Variants in SNTG2 observed in about 807,000 individuals in gnomAD.
The protein encoded by SNTG2 is syntrophin gamma 2.
SNTG2 carries 74 observed loss-of-function variants against 70.9 expected under a neutral mutation model. The ratio of observed to expected loss-of-function variants is 1.04; its 90% CI spans 0.86 to 1.27. The LOEUF (loss-of-function observed/expected upper bound fraction) is 1.27. Ranked by LOEUF, SNTG2 falls within the 50% of genes most tolerant of loss-of-function variation. The pLI is 0.00. For synonymous variants in SNTG2, 278 were observed against 273.8 expected (o/e 1.02, Z -0.15); for missense variants, 717 against 690.7 (o/e 1.04, Z -0.43).
At chr2:1,069,476 C>A (rs1663376063) in intron 1 of SNTG2, among the ~76,000 whole-genome samples, 1 of 148,830 alleles carries the variant, frequency 6.7e-6, no homozygotes. Context: ...AAGAAAATAT[C>A]CACTGAGGCT....
intron 9 of SNTG2, among the ~76,000 whole-genome samples, chr2:1,224,465 C>G (rs954447478): frequency 1.3e-5 from 2 of 152,216 alleles, no homozygotes; most frequent in African/African-American, 2.4e-5. Context: ...CTCGCCTCCT[C>G]TGCTGCATGG....
At chr2:964,610 A>G (rs1434167395) in intron 1 of SNTG2, among the ~76,000 whole-genome samples, 1 of 152,156 alleles carries the variant, frequency 6.6e-6, no homozygotes, top group Non-Finnish European at 1.5e-5. Context: ...TGATCCTACA[A>G]GGAGTTCTGA....
At chr2:1,190,143 ATAT>A (rs1216040120) in intron 8 of SNTG2, among the ~76,000 whole-genome samples, 1 of 152,112 alleles carries the variant, frequency 6.6e-6, no homozygotes, top group Admixed American at 6.5e-5. Flanking sequence ...TTTGGGGAAA[ATAT>A]TATATATACA....
chr2:1,296,508 T>G (rs1680223808), intron 14 of SNTG2, among the ~76,000 whole-genome samples: 1 of 152,236 alleles, frequency 6.6e-6, no homozygotes, highest in African/African-American at 2.4e-5. Flanking sequence ...CTTCTACCCG[T>G]GTATTAGTAA....
rs73173552 is a variant in SNTG2 at position 1,222,266 on chromosome 2, C to A, written c.719+13036C>A. The stretch of plus-strand genomic sequence containing the variant: ...TTTCATTTTGACTGTAAGGGATTAG[C>A]GCCCTGTCTATGAAAAGATGCTGCA... On this transcript the variant is annotated intron_variant, in intron 9 of 16. Coordinates refer to ENST00000308624, the MANE Select transcript of SNTG2 (RefSeq NM_018968.4). Among the ~76,000 whole-genome samples, 544 of 152,262 alleles carry A rather than the reference C, an allele frequency of 3.6e-3. 3 individuals carry two copies. Among genetic ancestry groups the A allele is most frequent in the African/African-American group, 0.012 (515 of 41,552 alleles).
intron 4 of SNTG2, among the ~76,000 whole-genome samples, chr2:1,098,778 C>G (rs1353069537): frequency 1.3e-5 from 2 of 152,188 alleles, no homozygotes; most frequent in Non-Finnish European, 2.9e-5. Flanking sequence ...GTATCTGATA[C>G]ACAAGTCTCT....
rs536633620 is a variant in SNTG2 at position 1,117,616 on chromosome 2, G to A, written c.325+19206G>A. 1.1e-4 allele frequency among the ~76,000 whole-genome samples: 16 copies of A among 152,098 alleles called. 1 individual carries two copies. The highest frequency in any genetic ancestry group is 4.2e-4 in the South Asian group (2 of 4,818). ...GTTCCCCAGGAATCAGAACCGAGGC[G>A]GAGCTGTGCCACCCCAGCCTCCAGG... On this transcript the variant is annotated intron_variant, in intron 4 of 16. Coordinates refer to ENST00000308624, the MANE Select transcript of SNTG2 (RefSeq NM_018968.4).
chr2:956,626 G>A (rs958711644), intron 1 of SNTG2, among the ~76,000 whole-genome samples: 6 of 152,224 alleles, frequency 3.9e-5, no homozygotes, highest in East Asian at 1.9e-4. Flanking sequence ...TCGGTCGGGC[G>A]TCTAGGAGGG....
chr2:991,668 G>A (rs541357221), intron 1 of SNTG2, among the ~76,000 whole-genome samples: 7 of 152,246 alleles, frequency 4.6e-5, no homozygotes, highest in South Asian at 2.1e-4. Context: ...AACACTGTCC[G>A]CAGTAATGGC....
chr2:1,132,075 A>G (rs1315043984), intron 4 of SNTG2, among the ~76,000 whole-genome samples: 1 of 152,234 alleles, frequency 6.6e-6, no homozygotes, highest in Non-Finnish European at 1.5e-5. Flanking sequence ...ATTTTAATAT[A>G]GTCTCTGCTA....
chr2:1,140,884 T>C (rs2147774397), intron 6 of SNTG2, among the ~76,000 whole-genome samples: 1 of 152,330 alleles, frequency 6.6e-6, no homozygotes, highest in Non-Finnish European at 1.5e-5. Context: ...GGAGCTACCC[T>C]TTTAAATTTA....
At chr2:976,388 TG>T (rs1206354529) in intron 1 of SNTG2, among the ~76,000 whole-genome samples, 1 of 152,178 alleles carries the variant, frequency 6.6e-6, no homozygotes, top group East Asian at 1.9e-4. Context: ...GTTCTCTATG[TG>T]TACATTGTCT....
At chr2:1,149,679 T>TTTTG (rs1371170199) in intron 6 of SNTG2, among the ~76,000 whole-genome samples, 6 of 1,360 alleles carry the variant, frequency 4.4e-3, no homozygotes, top group African/African-American at 5.2e-3. Context: ...AGCGTTTTTT[T>TTTTG]TTTTTTTTTT....
chr2:1,233,092 C>T (rs773672068), intron 9 of SNTG2, among the ~76,000 whole-genome samples: 6 of 152,216 alleles, frequency 3.9e-5, no homozygotes, highest in African/African-American at 9.7e-5. Flanking sequence ...AAATTTTGTA[C>T]GTTCCAATGT....
At chr2:1,197,543 G>A (rs201159439) in intron 8 of SNTG2, among the ~76,000 whole-genome samples, 29,129 of 134,736 alleles carry the variant, frequency 0.22, 4,003 homozygotes, top group East Asian at 0.39. Context: ...GTGTGTGTGT[G>A]TGTGTGTATA....
intron 10 of SNTG2, 43 bp from the exon 11 acceptor site, chr2:1,239,695 T>C: frequency 6.2e-7 from 1 of 1,605,220 alleles, no homozygotes; most frequent in South Asian, 1.1e-5. Flanking sequence ...GCCATCCTGG[T>C]GTTGGTGGCT....
chr2:1,203,325 C>T (rs1027324716), intron 8 of SNTG2, among the ~76,000 whole-genome samples: 2 of 152,016 alleles, frequency 1.3e-5, no homozygotes, highest in Admixed American at 6.6e-5. Context: ...ACTGGGATAA[C>T]ACTGATAACC....
At chr2:1,071,650 T>TA (rs74164488) in intron 1 of SNTG2, among the ~76,000 whole-genome samples, 89 of 37,160 alleles carry the variant, frequency 2.4e-3, no homozygotes, top group African/African-American at 0.01. Flanking sequence ...AGTATAATAA[T>TA]AAAAAAAAAA....
intron 9 of SNTG2, among the ~76,000 whole-genome samples, chr2:1,211,402 C>A (rs554525326): frequency 3.3e-5 from 5 of 152,184 alleles, no homozygotes; most frequent in Non-Finnish European, 7.3e-5. Context: ...GCTGTTCTAG[C>A]TTTGGTTTAA....
Sources: allele counts gnomAD v4.1 joint callset (sites outside exome capture counted in the v4.1 genomes callset), GRCh38; gene constraint gnomAD v4.1.1; transcripts MANE v1.5; gene names NCBI Gene and HGNC (gene_info 2026-07-23, HGNC 2026-07-21).